Variants in YTHDF2 observed in about 807,000 individuals in gnomAD.
YTHDF2 encodes the protein YTH N6-methyladenosine RNA binding protein F2, also known as YTH domain-containing family protein 2.
A neutral mutation model predicts 50.4 loss-of-function variants in YTHDF2; 2 were observed. That is an observed-to-expected ratio of 0.04 (90% confidence interval 0.02 to 0.12). YTHDF2 has a LOEUF of 0.12. Among genes scored for constraint, YTHDF2 ranks in the 10% least tolerant of loss-of-function variants. The probability of loss-of-function intolerance (pLI) is 1.00; values close to 1 mark genes in which losing one functional copy is unlikely to be tolerated. For synonymous variants in YTHDF2, 217 were observed against 255.6 expected (o/e 0.85, Z 1.44); for missense variants, 483 against 722.6 (o/e 0.67, Z 3.80).
chr1:28,760,034 C>T (rs1408025969), intron 4 of YTHDF2, among the ~76,000 whole-genome samples: 3 of 152,160 alleles, frequency 2.0e-5, no homozygotes, highest in Non-Finnish European at 2.9e-5. Flanking sequence ...TAGACCTACA[C>T]AGGCTCAGGA....
Position 28,743,363 on chromosome 1 carries a change from G to A in YTHDF2, c.1093G>A (p.Gly365Arg). 6.2e-7 allele frequency: 1 copy of A among 1,614,146 alleles called. No individual in the cohort carries two copies. Among genetic ancestry groups the A allele is most frequent in the Non-Finnish European group, 8.5e-7 (1 of 1,180,034 alleles). Residue 365 changes from glycine (G) to arginine (R), a missense_variant, in exon 4 of 5, where the codon GGG becomes AGG. Physicochemically the swap from Gly to Arg is moderately radical, Grantham distance 125. This residue lies in a region of YTHDF2 where 385 missense variants were observed against 475.8 expected (regional missense o/e 0.81). Coordinates refer to ENST00000373812, the MANE Select transcript of YTHDF2 (RefSeq NM_016258.3). The surrounding 1 kb of genome is among the most constrained non-coding windows in gnomAD (Gnocchi z 6.9). The part of the protein sequence containing the change: ...RNRGSGFGHN[G>R]VDGNGVGQSQ... ...CCGTGGCAGTGGGTTCGGTCATAAT[G>A]GGGTGGATGGTAATGGAGTAGGACA...
intron 4 of YTHDF2, among the ~76,000 whole-genome samples, chr1:28,764,666 C>CA (rs2088190584): frequency 1.3e-5 from 2 of 148,428 alleles, no homozygotes; most frequent in African/African-American, 5.0e-5. Context: ...CTCGGCCTCC[C>CA]AAAGTGCTGG....
At position 28,742,519 on chromosome 1, in the gene YTHDF2, G is replaced by A; in HGVS notation, c.249G>A (p.Met83Ile). The A allele has an allele frequency of 1.2e-6, 2 of 1,614,028 alleles. No homozygotes were observed. The highest frequency in any genetic ancestry group is 1.7e-6 in the Non-Finnish European group (2 of 1,180,022). Residue 83 changes from methionine to isoleucine, a missense_variant, in exon 4 of 5, where the codon ATG becomes ATA. By Grantham distance (10) the Met-to-Ile change is conservative (BLOSUM62 1). Around this residue, in one of 4 missense-constraint regions of YTHDF2, gnomAD observed 385 missense variants for 475.8 expected, o/e 0.81. Coordinates refer to ENST00000373812, the MANE Select transcript of YTHDF2 (RefSeq NM_016258.3). ...GGTCTACGGGGGGTGACACAGCCAT[G>A]CCCTACTTAACTTCTTATGGACAGC... is the stretch of plus-strand genomic sequence containing the variant. ...AAWSTGGDTA[M>I]PYLTSYGQLS...
At chr1:28,749,879 A>G (rs1219215460) in intron 4 of YTHDF2, among the ~76,000 whole-genome samples, 1 of 151,416 alleles carries the variant, frequency 6.6e-6, no homozygotes, top group African/African-American at 2.4e-5. Flanking sequence ...CAACAGTTTG[A>G]GTTTTAGTCT....
In YTHDF2 at chr1:28,742,901, G is replaced by C. The variant is rs770769444; in HGVS notation, c.631G>C (p.Val211Leu). 1 of 1,614,046 alleles carries C rather than the reference G, an allele frequency of 6.2e-7. No homozygotes were observed. The highest frequency in any genetic ancestry group is 1.7e-5 in the Admixed American group (1 of 59,990). The change falls in exon 4 of 5, where the codon GTT (valine) becomes CTT (leucine). Residue 211 changes from valine (V) to leucine (L), a missense_variant. Physicochemically the swap from Val to Leu is conservative, Grantham distance 32. Transcript: ENST00000373812. ...TGTTCCAAAAGTTGTAGGTTCTGCTGTTGGTAGCGGGTCCATTACTAGTAA... is the reference window on the plus strand; with the variant it reads ...TGTTCCAAAAGTTGTAGGTTCTGCTCTTGGTAGCGGGTCCATTACTAGTAA... ...SNVPKVVGSA[V>L]GSGSITSNIV...
At chr1:28,760,717 A>G (rs999812968) in intron 4 of YTHDF2, among the ~76,000 whole-genome samples, 2 of 151,960 alleles carry the variant, frequency 1.3e-5, no homozygotes. Flanking sequence ...AGTAGCTGGG[A>G]CTACAGCCGC....
chr1:28,753,188 A>G (rs747922360), intron 4 of YTHDF2, among the ~76,000 whole-genome samples: 1 of 151,744 alleles, frequency 6.6e-6, no homozygotes, highest in African/African-American at 2.4e-5. Context: ...CCCGAAGCTC[A>G]TGGACTACTC....
At chr1:28,738,523 C>CA (rs2087729696) in intron 3 of YTHDF2, among the ~76,000 whole-genome samples, 185 bp downstream of exon 3, 1 of 152,182 alleles carries the variant, frequency 6.6e-6, no homozygotes. Flanking sequence ...CGGCTCGCTC[C>CA]AACTTCCGCC....
In YTHDF2 at chr1:28,742,740, C is replaced by T. The variant is rs372495672; in HGVS notation, c.470C>T (p.Pro157Leu). The T allele has an allele frequency of 6.2e-7, 1 of 1,614,018 alleles. No individual in the cohort carries two copies. Among genetic ancestry groups the T allele is most frequent in the Non-Finnish European group, 8.5e-7 (1 of 1,180,046 alleles). Residue 157 changes from proline (P) to leucine (L), a missense_variant, in exon 4 of 5, where the codon CCT becomes CTT. Pro to Leu is a moderately conservative substitution (Grantham distance 98). Transcript: ENST00000373812. ...SGYSSNYAYA[P>L]SSLGGAMIDG... ...TATAGTAGCAATTATGCTTATGCAC[C>T]TAGCTCCTTAGGTGGAGCCATGATT...
At chr1:28,759,986 T>G (rs2088090537) in intron 4 of YTHDF2, among the ~76,000 whole-genome samples, 1 of 152,054 alleles carries the variant, frequency 6.6e-6, no homozygotes. Flanking sequence ...ACTTACATTT[T>G]TAACATCTTT....
chr1:28,742,518 T>C lies in YTHDF2; in HGVS notation c.248T>C (p.Met83Thr). The C allele has an allele frequency of 6.2e-7, 1 of 1,614,122 alleles. No individual in the cohort carries two copies. Among genetic ancestry groups the C allele is most frequent in the Non-Finnish European group, 8.5e-7 (1 of 1,180,022 alleles). Reference protein sequence around the residue: ...AAWSTGGDTAMPYLTSYGQLS... With the variant: ...AAWSTGGDTATPYLTSYGQLS... ...TGGTCTACGGGGGGTGACACAGCCA[T>C]GCCCTACTTAACTTCTTATGGACAG... is the stretch of plus-strand genomic sequence containing the variant. The change falls in exon 4 of 5, where the codon ATG becomes ACG. Residue 83 changes from methionine (M) to threonine (T), a missense_variant. Transcript: ENST00000373812.
rs1325889381 is a variant in YTHDF2, at chr1:28,764,437, AT to A, written c.1717-4482del. On this transcript the variant is annotated intron_variant, in intron 4 of 4. Coordinates refer to ENST00000373812, the MANE Select transcript of YTHDF2 (RefSeq NM_016258.3). ...AGGCGCCCACCACCACGCCCGGCTA[AT>A]TTTTTTTTTGTTTTTTTTAGTAGTG... 6.8e-5 allele frequency among the ~76,000 whole-genome samples: 10 copies of A among 146,960 alleles called. 1 individual carries two copies. Among genetic ancestry groups the A allele is most frequent in the South Asian group, 2.2e-4 (1 of 4,616 alleles).
intron 2 of YTHDF2, chr1:28,737,973 A>G: frequency 1.8e-6 from 1 of 565,914 alleles, no homozygotes; most frequent in South Asian, 2.2e-5. Context: ...CTCGTGGATC[A>G]CTCTCTGGAA....
chr1:28,737,004 G>T lies in YTHDF2; in HGVS notation c.-117G>T. 7.6e-7 allele frequency: 1 copy of T among 1,315,106 alleles called. No homozygotes were observed. Among genetic ancestry groups the T allele is most frequent in the African/African-American group, 1.5e-5 (1 of 66,312 alleles). The allele number at this position is 1,315,106 out of a possible 1,614,324, so 81.5% of individuals were successfully genotyped here. ...CTGTGTCTCCGCTGCGTCCGCCGAG[G>T]CCCCCGAGTGTCAGGGACAAAAGCC... On this transcript the variant is annotated 5_prime_UTR_variant, in exon 1 of 5. Coordinates refer to ENST00000373812, the MANE Select transcript of YTHDF2 (RefSeq NM_016258.3).
rs114032403 is a variant in YTHDF2, at chr1:28,757,187, G to A, written c.1717-11742G>A. Among the ~76,000 whole-genome samples the A allele has an allele frequency of 3.6e-3, 546 of 152,304 alleles. 7 individuals carry two copies. Among genetic ancestry groups the A allele is most frequent in the African/African-American group, 0.013 (522 of 41,570 alleles). Reference sequence around the variant, plus strand: ...TTGGGAAAAGATATCAAGGAATTACGATGTATCAAATGAAACATTCTAGGG... The same window carrying A: ...TTGGGAAAAGATATCAAGGAATTACAATGTATCAAATGAAACATTCTAGGG... On this transcript the variant is annotated intron_variant, in intron 4 of 4. Transcript: ENST00000373812.
chr1:28,743,254 A>T lies in YTHDF2; in HGVS notation c.984A>T (p.Pro328=). 1 of 1,614,066 alleles carries T rather than the reference A, an allele frequency of 6.2e-7. No homozygotes were observed. Residue 328 remains proline (P), a synonymous_variant, in exon 4 of 5, where the codon CCA becomes CCT. Transcript: ENST00000373812. This position sits in a 1 kb window ranked among gnomAD's most constrained non-coding sequence, Gnocchi z 6.9. ...AQASVGQQTQ[P]LPPPPPQPAQ... ...CATCAGTAGGGCAACAGACACAGCC[A>T]TTGCCTCCACCTCCACCACAGCCTG...
chr1:28,766,050 G>A (rs149065699), intron 4 of YTHDF2, among the ~76,000 whole-genome samples: 1 of 152,276 alleles, frequency 6.6e-6, no homozygotes, highest in East Asian at 1.9e-4. Context: ...TGTGGTCCAA[G>A]TTCTAGTCCA....
intron 4 of YTHDF2, among the ~76,000 whole-genome samples, chr1:28,765,900 G>A (rs1275605014): frequency 2.0e-5 from 3 of 152,160 alleles, no homozygotes; most frequent in African/African-American, 4.8e-5. Context: ...TTAGTGTGTA[G>A]TTCCCAAGAA....
In YTHDF2 at chr1:28,737,101, C is replaced by T; in HGVS notation, c.-20C>T. 1 of 1,594,628 alleles carries T rather than the reference C, an allele frequency of 6.3e-7. No homozygotes were observed. Among genetic ancestry groups the T allele is most frequent in the Non-Finnish European group, 8.5e-7 (1 of 1,172,598 alleles). Reference sequence around the variant, plus strand: ...TGAGGAGAGTTCGCCGCCGTCGCCGCCCGTGAGGATCTGAGAGCCATGTCG... The same window carrying T: ...TGAGGAGAGTTCGCCGCCGTCGCCGTCCGTGAGGATCTGAGAGCCATGTCG... On this transcript the variant is annotated 5_prime_UTR_variant, in exon 1 of 5. Coordinates refer to ENST00000373812, the MANE Select transcript of YTHDF2 (RefSeq NM_016258.3).
Sources: allele counts gnomAD v4.1 joint callset (sites outside exome capture counted in the v4.1 genomes callset), GRCh38; gene constraint gnomAD v4.1.1; regional missense constraint gnomAD v4.1.1; non-coding constraint Gnocchi (gnomAD v3.1); transcripts MANE v1.5; gene names NCBI Gene and HGNC (gene_info 2026-07-23, HGNC 2026-07-21).